The following FLT1 variants were observed in gnomAD, a reference collection of about 807,000 sequenced individuals.
FLT1 encodes vascular endothelial growth factor receptor 1.
Under a neutral mutation model 156.3 loss-of-function variants are expected in FLT1, and 49 were observed. The observed-to-expected ratio is 0.31, with a 90% CI of 0.25 to 0.40. FLT1 has a LOEUF of 0.40. Among genes scored for constraint, FLT1 ranks in the 10% least tolerant of loss-of-function variants. FLT1 has a pLI of 1.00. For synonymous variants in FLT1, 594 were observed against 583.8 expected (o/e 1.02, Z -0.25); for missense variants, 1,322 against 1,637.2 (o/e 0.81, Z 3.32).
At chr13:28,401,465 G>A (rs962385849) in intron 11 of FLT1, among the ~76,000 whole-genome samples, 1 of 152,114 alleles carries the variant, frequency 6.6e-6, no homozygotes, top group South Asian at 2.1e-4. Flanking sequence ...CCTTCACTAA[G>A]CATTAGTAAT....
intron 14 of FLT1, among the ~76,000 whole-genome samples, 183 bp from the exon 15 acceptor site, chr13:28,357,868 CT>C (rs57304530): frequency 0.013 from 1,369 of 104,702 alleles, 8 homozygotes; most frequent in African/African-American, 0.035. Flanking sequence ...CTTTTCTTTC[CT>C]TTTTTTTTTT....
At chr13:28,344,912 C>A (rs894602107) in intron 16 of FLT1, among the ~76,000 whole-genome samples, 13 of 149,288 alleles carry the variant, frequency 8.7e-5, no homozygotes, top group Admixed American at 1.4e-4. Context: ...AGTGATTTTC[C>A]CACCTCAGCC....
In FLT1 at chr13:28,405,803, C is replaced by A. The variant is rs759536168; in HGVS notation, c.1528G>T (p.Ala510Ser). The A allele has an allele frequency of 6.3e-7, 1 of 1,593,140 alleles. No homozygotes were observed. The highest frequency in any genetic ancestry group is 1.7e-5 in the Admixed American group (1 of 59,978). Residue 510 changes from alanine to serine, a missense_variant, in exon 11 of 30, where the codon GCA becomes TCA. By Grantham distance (99) the Ala-to-Ser change is moderately conservative (BLOSUM62 1). Transcript: ENST00000282397. ...ACCTTATTCTTTCCTTCTATTATTG[C>A]CATGCGCTGAGTGATGCTCTCAATT... The part of the protein sequence containing the change: ...NRIESITQRM[A>S]IIEGKNKMAS...
chr13:28,433,881 T>G lies in FLT1; in HGVS notation c.751A>C (p.Asn251His), dbSNP rs772751830. ...KLLRGHTLVLNCTATTPLNTR... is the reference protein window; with the variant it reads ...KLLRGHTLVLHCTATTPLNTR... ...TTCAAGGGAGTGGTAGCAGTACAAT[T>G]GAGGACAAGAGTATGGCCTCTAAGT... Residue 251 changes from asparagine to histidine, a missense_variant, in exon 6 of 30, where the codon AAT (asparagine) becomes CAT (histidine). Physicochemically the swap from Asn to His is moderately conservative, Grantham distance 68. Coordinates refer to ENST00000282397, the MANE Select transcript of FLT1 (RefSeq NM_002019.4). The G allele has an allele frequency of 6.2e-7, 1 of 1,613,870 alleles. No individual in the cohort carries two copies.
At chr13:28,436,115 A>T (rs1277077513) in intron 4 of FLT1, among the ~76,000 whole-genome samples, 2 of 152,212 alleles carry the variant, frequency 1.3e-5, no homozygotes, top group Admixed American at 6.5e-5. Flanking sequence ...CATTCCATTG[A>T]CAAAGTAACT....
At chr13:28,340,665 C>T (rs549876939) in intron 16 of FLT1, among the ~76,000 whole-genome samples, 1 of 152,320 alleles carries the variant, frequency 6.6e-6, no homozygotes, top group African/African-American at 2.4e-5. Flanking sequence ...TCTCCATACA[C>T]ACCATTTGAC....
chr13:28,452,629 A>T (rs930249345), intron 3 of FLT1, among the ~76,000 whole-genome samples: 1 of 152,166 alleles, frequency 6.6e-6, no homozygotes, highest in Non-Finnish European at 1.5e-5. Flanking sequence ...TGAAATTCTT[A>T]GATAGTTGTT....
In FLT1 at chr13:28,334,143, A is replaced by G; in HGVS notation, c.2489-14T>C. ...CAAGTGATTTGCCTGTAATGAAGAG[A>G]AGACACTGGTTTGTTTGCCGAGGCA... On this transcript the variant is annotated splice_polypyrimidine_tract_variant and intron_variant, in intron 17 of 29. Transcript: ENST00000282397. The G allele has an allele frequency of 6.4e-7, 1 of 1,563,790 alleles. No homozygotes were observed. The highest frequency in any genetic ancestry group is 8.8e-7 in the Non-Finnish European group (1 of 1,134,056).
At chr13:28,461,231 A>G (rs553282731) in intron 3 of FLT1, among the ~76,000 whole-genome samples, 2 of 152,244 alleles carry the variant, frequency 1.3e-5, no homozygotes, top group Non-Finnish European at 2.9e-5. Flanking sequence ...TGCTCAACTT[A>G]GTAAATTTTT....
At chr13:28,470,318 A>G (rs1411372888) in intron 1 of FLT1, among the ~76,000 whole-genome samples, 1 of 152,248 alleles carries the variant, frequency 6.6e-6, no homozygotes, top group Non-Finnish European at 1.5e-5. Flanking sequence ...CACAGCCAGC[A>G]ATGGATAACA....
chr13:28,487,048 C>T (rs1189395887), intron 1 of FLT1, among the ~76,000 whole-genome samples: 3 of 152,188 alleles, frequency 2.0e-5, no homozygotes, highest in Non-Finnish European at 4.4e-5. Context: ...TGCAAGCCCA[C>T]CAGGTGATTC....
chr13:28,468,644 TGG>T (rs897247554), intron 1 of FLT1, among the ~76,000 whole-genome samples: 8 of 152,270 alleles, frequency 5.3e-5, no homozygotes, highest in African/African-American at 1.7e-4. Flanking sequence ...CCCTCATGCA[TGG>T]CATGGTGCTG....
At chr13:28,447,283 A>C (rs1413179652) in intron 3 of FLT1, among the ~76,000 whole-genome samples, 1 of 151,684 alleles carries the variant, frequency 6.6e-6, no homozygotes, top group Non-Finnish European at 1.5e-5. Context: ...GGCGCAAGTG[A>C]TGCCCCCACC....
intron 14 of FLT1, among the ~76,000 whole-genome samples, chr13:28,379,380 C>T (rs1403209559): frequency 6.6e-5 from 10 of 151,960 alleles, no homozygotes; most frequent in Admixed American, 3.9e-4. Flanking sequence ...AGGAGAATAA[C>T]GTAGTGAGAG....
intron 3 of FLT1, among the ~76,000 whole-genome samples, chr13:28,455,879 G>A (rs909113513): frequency 4.6e-5 from 7 of 152,252 alleles, no homozygotes; most frequent in African/African-American, 7.2e-5. Context: ...GGTGCTCCAC[G>A]TCATGTCATT....
Position 28,329,728 on chromosome 13 carries a change from T to A in FLT1, c.2594A>T (p.Glu865Val). ...CRTVAVKMLK[E>V]GATASEYKAL... ...TTTGTACTCGCTGGCCGTGGCCCCCTCTGTGTGAGAAGCAAGGAAGAGTCA... is the reference window on the plus strand; with the variant it reads ...TTTGTACTCGCTGGCCGTGGCCCCCACTGTGTGAGAAGCAAGGAAGAGTCA... Residue 865 changes from glutamate to valine, a missense_variant and splice_region_variant, in exon 19 of 30, where the codon GAG (glutamate) becomes GTG (valine). By Grantham distance (121) the Glu-to-Val change is moderately radical. This residue lies in a region of FLT1 where 991 missense variants were observed against 1,254.8 expected (regional missense o/e 0.79). Coordinates refer to ENST00000282397, the MANE Select transcript of FLT1 (RefSeq NM_002019.4). 1 of 1,612,976 alleles carries A rather than the reference T, an allele frequency of 6.2e-7. No homozygotes were observed. The highest frequency in any genetic ancestry group is 1.3e-5 in the African/African-American group (1 of 75,054).
At chr13:28,318,414 C>T (rs1452582449) in intron 24 of FLT1, among the ~76,000 whole-genome samples, 1 of 152,056 alleles carries the variant, frequency 6.6e-6, no homozygotes, top group Non-Finnish European at 1.5e-5. Flanking sequence ...CCCCTGCAAC[C>T]TTTCCTTTTG....
chr13:28,400,080 T>G (rs1384765602), intron 11 of FLT1, among the ~76,000 whole-genome samples: 1 of 152,208 alleles, frequency 6.6e-6, no homozygotes, highest in African/African-American at 2.4e-5. Flanking sequence ...TCCGCGCCTA[T>G]GCTCCTAATC....
intron 16 of FLT1, among the ~76,000 whole-genome samples, chr13:28,343,387 GC>G (rs1389576269): frequency 6.7e-6 from 1 of 149,782 alleles, no homozygotes; most frequent in Admixed American, 6.7e-5. Flanking sequence ...TGCAACCTCC[GC>G]CCCCGGGTCC....
Sources: allele counts gnomAD v4.1 joint callset (sites outside exome capture counted in the v4.1 genomes callset), GRCh38; gene constraint gnomAD v4.1.1; regional missense constraint gnomAD v4.1.1; transcripts MANE v1.5; gene names NCBI Gene and HGNC (gene_info 2026-07-23, HGNC 2026-07-21).